DCAF4L2: variants seen among roughly 807,000 people sequenced by gnomAD.
DCAF4L2 encodes DDB1- and CUL4-associated factor 4-like protein 2.
DCAF4L2 carries 13 observed loss-of-function variants against 15.5 expected under a neutral mutation model. The ratio of observed to expected loss-of-function variants is 0.84; its 90% CI spans 0.54 to 1.33. DCAF4L2 has a LOEUF of 1.33. DCAF4L2 is among the 40% of genes most tolerant of loss of function. The pLI, the probability that DCAF4L2 is intolerant of heterozygous loss-of-function variation, is 0.00. For missense variants in DCAF4L2, 519 were observed against 509.6 expected (o/e 1.02, Z -0.18); for synonymous variants, 251 against 207.0 (o/e 1.21, Z -1.83).
chr8:87,873,858 T>A lies in DCAF4L2; in HGVS notation c.114A>T (p.Arg38Ser), dbSNP rs772523773. The A allele has an allele frequency of 6.2e-7, 1 of 1,614,148 alleles. No homozygotes were observed. The highest frequency in any genetic ancestry group is 2.2e-5 in the East Asian group (1 of 44,836). Residue 38 changes from arginine (R) to serine (S), a missense_variant, in exon 1 of 1, where the codon AGA becomes AGT. Coordinates refer to ENST00000319675, the MANE Select transcript of DCAF4L2 (RefSeq NM_152418.4). ...GAGCTATACGGCAATAGTTGGCGAA[T>A]CTGAGGAAACCTAGCTGGTTCTTTC... ...MLRKNQLGFL[R>S]FANYCRIARE...
In DCAF4L2 at chr8:87,872,706, C is replaced by A; in HGVS notation, c.*78G>T. ...CAAACACCGAACATCTCTTAAAATG[C>A]GCTCATAGAAACGGTAATACGATGC... On this transcript the variant is annotated 3_prime_UTR_variant, in exon 1 of 1. Coordinates refer to ENST00000319675, the MANE Select transcript of DCAF4L2 (RefSeq NM_152418.4). 7.2e-7 allele frequency: 1 copy of A among 1,393,244 alleles called. No individual in the cohort carries two copies. Among genetic ancestry groups the A allele is most frequent in the Non-Finnish European group, 9.6e-7 (1 of 1,042,490 alleles). 86.3% of individuals were successfully genotyped at this position (1,393,244 alleles called of 1,614,324 possible). A position where few individuals can be genotyped will look rare whatever the true frequency, so the allele number is the denominator to read the frequency against.
Position 87,873,836 on chromosome 8 carries a change from C to A in DCAF4L2, c.136G>T (p.Ala46Ser). ...ATGCAGCTTACACGCAGCTCGCGAG[C>A]TATACGGCAATAGTTGGCGAATCTG... The part of the protein sequence containing the change: ...FLRFANYCRI[A>S]RELRVSCMQR... The change falls in exon 1 of 1, where the codon GCT becomes TCT. Residue 46 changes from alanine to serine, a missense_variant. Transcript: ENST00000319675. 2 of 1,614,120 alleles carry A rather than the reference C, an allele frequency of 1.2e-6. No homozygotes were observed. The highest frequency in any genetic ancestry group is 2.2e-5 in the South Asian group (2 of 91,080).
At position 87,871,628 on chromosome 8, in the gene DCAF4L2, A is replaced by AAACAATATCC; in HGVS notation, c.*1146_*1155dup. 6.6e-6 allele frequency: 1 copy of AAACAATATCC among 152,218 alleles called. No homozygotes were observed. The highest frequency in any genetic ancestry group is 1.5e-5 in the Non-Finnish European group (1 of 68,020). 9.4% of individuals were successfully genotyped at this position (152,218 alleles called of 1,614,324 possible). On this transcript the variant is annotated 3_prime_UTR_variant, in exon 1 of 1. Transcript: ENST00000319675. Reference sequence around the variant, plus strand: ...TCCTAAAAATAAAAGGGAAAAAAACAAACAATATCCTTTCTTCCTTCCACA... The same window carrying AAACAATATCC: ...TCCTAAAAATAAAAGGGAAAAAAACAAACAATATCCAACAATATCCTTTCTTCCTTCCACA...
In DCAF4L2 at chr8:87,872,469, A is replaced by C; in HGVS notation, c.*315T>G. 5.1e-6 allele frequency: 1 copy of C among 196,910 alleles called. No individual in the cohort carries two copies. The highest frequency in any genetic ancestry group is 1.0e-5 in the Non-Finnish European group (1 of 97,230). 12.2% of individuals were successfully genotyped at this position (196,910 alleles called of 1,614,324 possible). A position where few individuals can be genotyped will look rare whatever the true frequency, so the allele number is the denominator to read the frequency against. On this transcript the variant is annotated 3_prime_UTR_variant, in exon 1 of 1. Coordinates refer to ENST00000319675, the MANE Select transcript of DCAF4L2 (RefSeq NM_152418.4). Reference sequence around the variant, plus strand: ...GTTTTAATTTATTTTAGTTTTTGCCAATCTTCAGTCCTTAGAAAAGTGTTT... The same window carrying C: ...GTTTTAATTTATTTTAGTTTTTGCCCATCTTCAGTCCTTAGAAAAGTGTTT...
Position 87,870,958 on chromosome 8 carries a change from T to C in DCAF4L2, c.*1826A>G, listed in dbSNP as rs1809387306. The C allele has an allele frequency of 6.6e-6, 1 of 150,720 alleles. No individual in the cohort carries two copies. Among genetic ancestry groups the C allele is most frequent in the Non-Finnish European group, 1.5e-5 (1 of 67,978 alleles). 9.3% of individuals were successfully genotyped at this position (150,720 alleles called of 1,614,324 possible). On this transcript the variant is annotated 3_prime_UTR_variant, in exon 1 of 1. Coordinates refer to ENST00000319675, the MANE Select transcript of DCAF4L2 (RefSeq NM_152418.4). ...TATCTACTTTATGATTTAGTTTTAT[T>C]ATCTAAGACATTTTACAAAGAAATA... is the stretch of plus-strand genomic sequence containing the variant.
At position 87,873,621 on chromosome 8, in the gene DCAF4L2, G is replaced by C; in HGVS notation, c.351C>G (p.His117Gln). The C allele has an allele frequency of 6.2e-7, 1 of 1,614,190 alleles. No homozygotes were observed. The highest frequency in any genetic ancestry group is 1.7e-5 in the Admixed American group (1 of 60,028). ...LTTPELRVYP[H>Q]KTLYVPNRKV... ...TCCGATTAGGGACGTAGAGGGTTTT[G>C]TGCGGGTATACCCGGAGCTCAGGGG... The change falls in exon 1 of 1, where the codon CAC (histidine) becomes CAG (glutamine). Residue 117 changes from histidine to glutamine, a missense_variant. Coordinates refer to ENST00000319675, the MANE Select transcript of DCAF4L2 (RefSeq NM_152418.4).
rs1459905871 is a variant in DCAF4L2, at chr8:87,871,605, C to T, written c.*1179G>A. The T allele has an allele frequency of 1.3e-5, 2 of 152,012 alleles. No homozygotes were observed. Among genetic ancestry groups the T allele is most frequent in the Non-Finnish European group, 2.9e-5 (2 of 67,982 alleles). 9.4% of individuals were successfully genotyped at this position (152,012 alleles called of 1,614,324 possible). A position where few individuals can be genotyped will look rare whatever the true frequency, so the allele number is the denominator to read the frequency against. On this transcript the variant is annotated 3_prime_UTR_variant, in exon 1 of 1. Coordinates refer to ENST00000319675, the MANE Select transcript of DCAF4L2 (RefSeq NM_152418.4). ...CCCGTGTTACTTTCCAAACAATATCCTAAAAATAAAAGGGAAAAAAACAAA... is the reference window on the plus strand; with the variant it reads ...CCCGTGTTACTTTCCAAACAATATCTTAAAAATAAAAGGGAAAAAAACAAA...
rs777892915 is a variant in DCAF4L2, at chr8:87,873,570, T to G, written c.402A>C (p.Ser134=). The G allele has an allele frequency of 2.5e-6, 4 of 1,614,180 alleles. No homozygotes were observed. Among genetic ancestry groups the G allele is most frequent in the Admixed American group, 1.7e-5 (1 of 60,014 alleles). ...GAAGGTGGGAATCCAAGTGATTCAGTGAGGCCCAGCACATAGAATTCACCT... is the reference window on the plus strand; with the variant it reads ...GAAGGTGGGAATCCAAGTGATTCAGGGAGGCCCAGCACATAGAATTCACCT... ...NRKVNSMCWA[S]LNHLDSHLLL... The change falls in exon 1 of 1, where the codon TCA becomes TCC. Residue 134 remains serine, a synonymous_variant. Coordinates refer to ENST00000319675, the MANE Select transcript of DCAF4L2 (RefSeq NM_152418.4).
Position 87,873,975 on chromosome 8 carries a change from G to C in DCAF4L2, c.-4C>G, listed in dbSNP as rs1264267075. ...GTCGCGGTCTTTTGCTCTCCATTTC[G>C]TTCGGCGGATGTTCTCCCTCCTGAG... On this transcript the variant is annotated 5_prime_UTR_variant, in exon 1 of 1. Transcript: ENST00000319675. 1.2e-6 allele frequency: 2 copies of C among 1,611,996 alleles called. No homozygotes were observed. Among genetic ancestry groups the C allele is most frequent in the Non-Finnish European group, 8.5e-7 (1 of 1,178,708 alleles).
At position 87,870,874 on chromosome 8, in the gene DCAF4L2, C is replaced by T. The variant is rs1276287577; in HGVS notation, c.*1910G>A. On this transcript the variant is annotated 3_prime_UTR_variant, in exon 1 of 1. Coordinates refer to ENST00000319675, the MANE Select transcript of DCAF4L2 (RefSeq NM_152418.4). ...TTTTTAAAAAAAATTACATCCGCAG[C>T]TAGTTCTTATTGAATGCTTACAATG... The T allele has an allele frequency of 6.6e-6, 1 of 152,172 alleles. No homozygotes were observed. The highest frequency in any genetic ancestry group is 1.5e-5 in the Non-Finnish European group (1 of 68,012). 9.4% of individuals were successfully genotyped at this position (152,172 alleles called of 1,614,324 possible).
Position 87,873,098 on chromosome 8 carries a change from C to CA in DCAF4L2, c.873dup (p.Gly292TrpfsTer12), listed in dbSNP as rs1313331571. ...CTCAAGTCCCACAGCTTGATAGTTC[C>CA]AGTCATGTCTGATGACACCAGGAAT... On this transcript the variant is annotated frameshift_variant, in exon 1 of 1. Coordinates refer to ENST00000319675, the MANE Select transcript of DCAF4L2 (RefSeq NM_152418.4). LOFTEE classifies it high-confidence loss of function. 10 of 1,614,208 alleles carry CA rather than the reference C, an allele frequency of 6.2e-6. No individual in the cohort carries two copies. Among genetic ancestry groups the CA allele is most frequent in the South Asian group, 1.1e-5 (1 of 91,080 alleles).
rs1413930472 is a variant in DCAF4L2 at position 87,873,380 on chromosome 8, G to C, written c.592C>G (p.His198Asp). The change falls in exon 1 of 1, where the codon CAC becomes GAC. Residue 198 changes from histidine (H) to aspartate (D), a missense_variant. Physicochemically the swap from His to Asp is moderately conservative, Grantham distance 81 (BLOSUM62 -1). Transcript: ENST00000319675. ...TGAGACAAGCCTGTACTGAAAGAGT[G>C]ATACGCGTGGATGCTCAGGGACCAG... ...CAWSLSIHAYHSFSTGLSQQV... is the reference protein window; with the variant it reads ...CAWSLSIHAYDSFSTGLSQQV... The C allele has an allele frequency of 1.2e-6, 2 of 1,614,210 alleles. No homozygotes were observed. Among genetic ancestry groups the C allele is most frequent in the Non-Finnish European group, 1.7e-6 (2 of 1,180,046 alleles).
chr8:87,873,358 G>C lies in DCAF4L2; in HGVS notation c.614C>G (p.Ser205Cys). 6.2e-7 allele frequency: 1 copy of C among 1,614,228 alleles called. No individual in the cohort carries two copies. ...HAYHSFSTGL[S>C]QQVLLTNVVT... ...CACGTTGGTCAACAGGACCTGCTGAGACAAGCCTGTACTGAAAGAGTGATA... is the reference window on the plus strand; with the variant it reads ...CACGTTGGTCAACAGGACCTGCTGACACAAGCCTGTACTGAAAGAGTGATA... The change falls in exon 1 of 1, where the codon TCT (serine) becomes TGT (cysteine). Residue 205 changes from serine to cysteine, a missense_variant. By Grantham distance (112) the Ser-to-Cys change is moderately radical. Transcript: ENST00000319675.
rs1809437934 is a variant in DCAF4L2, at chr8:87,873,399, G to A, written c.573C>T (p.Ser191=). The A allele has an allele frequency of 1.2e-6, 2 of 1,614,048 alleles. No individual in the cohort carries two copies. Among genetic ancestry groups the A allele is most frequent in the Non-Finnish European group, 8.5e-7 (1 of 1,180,040 alleles). ...AAGAGTGATACGCGTGGATGCTCAG[G>A]GACCAGGCACAGGACCAGGCATCAG... ...QIPDAWSCAW[S]LSIHAYHSFS... The change falls in exon 1 of 1, where the codon TCC becomes TCT. Residue 191 remains serine, a synonymous_variant. Coordinates refer to ENST00000319675, the MANE Select transcript of DCAF4L2 (RefSeq NM_152418.4).
In DCAF4L2 at chr8:87,873,773, A is replaced by T; in HGVS notation, c.199T>A (p.Ser67Thr). 6.2e-7 allele frequency: 1 copy of T among 1,614,128 alleles called. No homozygotes were observed. Among genetic ancestry groups the T allele is most frequent in the Non-Finnish European group, 8.5e-7 (1 of 1,180,022 alleles). ...TTAAATCGGTCGCTTGCCAAAGAGGAGGGATCCCAGCTATGAATCTGGACC... is the reference window on the plus strand; with the variant it reads ...TTAAATCGGTCGCTTGCCAAAGAGGTGGGATCCCAGCTATGAATCTGGACC... ...KKVQIHSWDP[S>T]SLASDRFNRI... The change falls in exon 1 of 1, where the codon TCC (serine) becomes ACC (threonine). Residue 67 changes from serine to threonine, a missense_variant. Ser to Thr is a moderately conservative substitution (Grantham distance 58, BLOSUM62 1). Coordinates refer to ENST00000319675, the MANE Select transcript of DCAF4L2 (RefSeq NM_152418.4).
At position 87,873,943 on chromosome 8, in the gene DCAF4L2, T is replaced by A; in HGVS notation, c.29A>T (p.Glu10Val). The A allele has an allele frequency of 6.2e-7, 1 of 1,614,064 alleles. No individual in the cohort carries two copies. Among genetic ancestry groups the A allele is most frequent in the Non-Finnish European group, 8.5e-7 (1 of 1,179,988 alleles). The change falls in exon 1 of 1, where the codon GAG (glutamate) becomes GTG (valine). Residue 10 changes from glutamate (E) to valine (V), a missense_variant. By Grantham distance (121) the Glu-to-Val change is moderately radical (BLOSUM62 -2). Coordinates refer to ENST00000319675, the MANE Select transcript of DCAF4L2 (RefSeq NM_152418.4). ...TGTCTTTTTCTGCTTGTCTGCTTCCTCGAGCAGTCGCGGTCTTTTGCTCTC... is the reference window on the plus strand; with the variant it reads ...TGTCTTTTTCTGCTTGTCTGCTTCCACGAGCAGTCGCGGTCTTTTGCTCTC... MESKRPRLL[E>V]EADKQKKTVR...
Position 87,873,046 on chromosome 8 carries a change from T to A in DCAF4L2, c.926A>T (p.Glu309Val). The A allele has an allele frequency of 3.1e-6, 5 of 1,614,150 alleles. No individual in the cohort carries two copies. The highest frequency in any genetic ancestry group is 3.4e-6 in the Non-Finnish European group (4 of 1,180,022). Residue 309 changes from glutamate to valine, a missense_variant, in exon 1 of 1, where the codon GAA becomes GTA. By Grantham distance (121) the Glu-to-Val change is moderately radical (BLOSUM62 -2). Transcript: ENST00000319675. ...GTAGGCGGAGTTATTCACATGACCTTCGTACTGTGTTACACATTTAGTGGC... is the reference window on the plus strand; with the variant it reads ...GTAGGCGGAGTTATTCACATGACCTACGTACTGTGTTACACATTTAGTGGC... ...LRATKCVTQYEGHVNNSAYLP... is the reference protein window; with the variant it reads ...LRATKCVTQYVGHVNNSAYLP...
chr8:87,873,067 G>C lies in DCAF4L2; in HGVS notation c.905C>G (p.Thr302Ser), dbSNP rs767496556. 2 of 1,614,182 alleles carry C rather than the reference G, an allele frequency of 1.2e-6. No individual in the cohort carries two copies. The highest frequency in any genetic ancestry group is 2.2e-5 in the South Asian group (2 of 91,084). The change falls in exon 1 of 1, where the codon ACT becomes AGT. Residue 302 changes from threonine (T) to serine (S), a missense_variant. Coordinates refer to ENST00000319675, the MANE Select transcript of DCAF4L2 (RefSeq NM_152418.4). ...ACCTTCGTACTGTGTTACACATTTAGTGGCCCTCAAGTCCCACAGCTTGAT... is the reference window on the plus strand; with the variant it reads ...ACCTTCGTACTGTGTTACACATTTACTGGCCCTCAAGTCCCACAGCTTGAT... The part of the protein sequence containing the change: ...GTIKLWDLRA[T>S]KCVTQYEGHV...
rs1809407444 is a variant in DCAF4L2 at position 87,872,026 on chromosome 8, AG to A, written c.*757del. The stretch of plus-strand genomic sequence containing the variant: ...AAACATCTCACAAACTGCTGCTCCT[AG>A]ATTACAAAAAGTCAAAGCCAATTAT... On this transcript the variant is annotated 3_prime_UTR_variant, in exon 1 of 1. Transcript: ENST00000319675. The A allele has an allele frequency of 6.1e-6, 1 of 163,498 alleles. No homozygotes were observed. The highest frequency in any genetic ancestry group is 2.4e-5 in the African/African-American group (1 of 41,430). 10.1% of individuals were successfully genotyped at this position (163,498 alleles called of 1,614,324 possible).
Sources: allele counts gnomAD v4.1 joint callset, GRCh38; gene constraint gnomAD v4.1.1; transcripts MANE v1.5; gene names NCBI Gene and HGNC (gene_info 2026-07-23, HGNC 2026-07-21).